XG: variants seen among roughly 807,000 people sequenced by gnomAD.
XG encodes the protein Xg glycoprotein (Xg blood group).
XG carries 24 observed loss-of-function variants against 25.7 expected under a neutral mutation model. The ratio of observed to expected loss-of-function variants is 0.93; its 90% CI spans 0.68 to 1.31. The LOEUF is 1.31. Ranked by LOEUF, XG falls within the 40% of genes most tolerant of loss-of-function variation. The pLI, the probability that XG is intolerant of heterozygous loss-of-function variation, is 0.00. For missense variants in XG, 181 were observed against 187.6 expected (o/e 0.96, Z 0.21); for synonymous variants, 77 against 69.2 (o/e 1.11, Z -0.56).
intron 5 of XG, 139 bp downstream of exon 5, chrX:2,789,845 A>G (rs2086821115): frequency 1.0e-5 from 3 of 297,434 alleles, no homozygotes; most frequent in Non-Finnish European, 1.1e-5. Context: ...ATTTGATTCT[A>G]TGTTATTTTA....
intron 2 of XG, among the ~76,000 whole-genome samples, chrX:2,771,329 C>G (rs1304427510): frequency 6.6e-6 from 1 of 152,178 alleles, no homozygotes; most frequent in Non-Finnish European, 1.5e-5. Context: ...CCAGAGCACA[C>G]TTCATTCCGT....
intron 4 of XG, among the ~76,000 whole-genome samples, chrX:2,784,536 C>G (rs779221371): frequency 1.5e-4 from 16 of 104,457 alleles, no homozygotes; most frequent in Non-Finnish European, 1.8e-4. Context: ...CGCCACTGCA[C>G]TCCAGGCTGG....
At chrX:2,811,006 C>T (rs1480646803) in intron 9 of XG, among the ~76,000 whole-genome samples, 2 of 111,233 alleles carry the variant, frequency 1.8e-5, no homozygotes, top group Non-Finnish European at 3.8e-5. Context: ...ACAAAAATGC[C>T]AAGTGCCTCG....
intron 1 of XG, among the ~76,000 whole-genome samples, chrX:2,764,697 ATTT>A (rs2050635895): frequency 6.6e-6 from 1 of 152,054 alleles, no homozygotes; most frequent in South Asian, 2.1e-4. Context: ...AAGAAAGTTG[ATTT>A]AAATGAACCC....
At chrX:2,800,061 T>G (rs1175075791) in intron 7 of XG, among the ~76,000 whole-genome samples, 1 of 111,532 alleles carries the variant, frequency 9.0e-6, no homozygotes, top group Non-Finnish European at 1.9e-5. Flanking sequence ...GAACCTAGGC[T>G]GATTCCATGT....
rs200648737 is a variant in XG at position 2,770,601 on chromosome X, G to T, written c.103+10G>T. On this transcript the variant is annotated intron_variant, in intron 2 of 10. Transcript: ENST00000644266. ...GCCCTTGATGACCCTGGTAAGTGCC[G>T]ATATTTCAAGGGGAGCCTTCCCTTT... The T allele has an allele frequency of 1.7e-5, 28 of 1,613,850 alleles. No individual in the cohort carries two copies. The East Asian group carries it at 5.8e-4, about 33-fold the overall frequency.
At position 2,752,219 on chromosome X, in the gene XG, C is replaced by G. The variant is rs1489958111; in HGVS notation, c.-56C>G. 5.0e-6 allele frequency: 8 copies of G among 1,612,360 alleles called. No homozygotes were observed. The highest frequency in any genetic ancestry group is 2.7e-5 in the African/African-American group (2 of 74,904). ...CAACAGGAGGGTGGAGAGGCCGGGTCTCACAATCCGCTTGGCTGGGGAGTC... is the reference window on the plus strand; with the variant it reads ...CAACAGGAGGGTGGAGAGGCCGGGTGTCACAATCCGCTTGGCTGGGGAGTC... On this transcript the variant is annotated 5_prime_UTR_variant, in exon 1 of 11. Transcript: ENST00000644266.
At chrX:2,758,964 C>CTATG (rs1363707523) in intron 1 of XG, among the ~76,000 whole-genome samples, 1 of 151,968 alleles carries the variant, frequency 6.6e-6, no homozygotes, top group Non-Finnish European at 1.5e-5. Context: ...ATTTATCTAT[C>CTATG]TTTCTACCTA....
chrX:2,755,488 A>G (rs2050414598), intron 1 of XG, among the ~76,000 whole-genome samples: 1 of 152,122 alleles, frequency 6.6e-6, no homozygotes. Flanking sequence ...CACCTGTTTT[A>G]TCAGCTAGGT....
intron 3 of XG, among the ~76,000 whole-genome samples, chrX:2,781,332 G>A (rs2051115830): frequency 6.6e-6 from 1 of 151,580 alleles, no homozygotes; most frequent in Non-Finnish European, 1.5e-5. Context: ...GGGCTTTGAA[G>A]GAACTCTGCA....
intron 5 of XG, among the ~76,000 whole-genome samples, chrX:2,792,246 C>G (rs1360933053): frequency 1.8e-5 from 2 of 111,942 alleles, no homozygotes; most frequent in African/African-American, 6.5e-5. Context: ...GAGCCGAGAT[C>G]ATGCCATTGC....
intron 3 of XG, 141 bp downstream of exon 3, chrX:2,774,880 G>C: frequency 9.1e-7 from 1 of 1,104,720 alleles, no homozygotes; most frequent in Non-Finnish European, 1.4e-6. Flanking sequence ...GATATTGAAA[G>C]CAAAATGTGG....
chrX:2,801,760 G>C (rs1053558950), intron 7 of XG, among the ~76,000 whole-genome samples: 2 of 110,567 alleles, frequency 1.8e-5, no homozygotes, highest in Non-Finnish European at 3.8e-5. Flanking sequence ...CCAGGCTGGA[G>C]TGCAGTGGCG....
chrX:2,787,378 G>A (rs1019730234), intron 4 of XG, among the ~76,000 whole-genome samples: 2 of 111,377 alleles, frequency 1.8e-5, no homozygotes, highest in Admixed American at 9.6e-5. Context: ...TGCAGTTGGA[G>A]GTTCTGTGTG....
chrX:2,773,341 TA>T (rs751170745), intron 2 of XG, among the ~76,000 whole-genome samples: 11 of 111,372 alleles, frequency 9.9e-5, no homozygotes, highest in Admixed American at 4.4e-4. Flanking sequence ...GAAAGAAAAA[TA>T]GGAGAAGAAA....
chrX:2,794,433 C>T (rs769515927), intron 5 of XG, 102 bp from the exon 6 acceptor site: 8 of 916,518 alleles, frequency 8.7e-6, no homozygotes, highest in African/African-American at 8.0e-5. Flanking sequence ...GGCGTCGGAA[C>T]GCTCTTCTCC....
At chrX:2,803,683 G>C (rs2086965760) in intron 7 of XG, among the ~76,000 whole-genome samples, 1 of 110,433 alleles carries the variant, frequency 9.1e-6, no homozygotes, top group African/African-American at 3.3e-5. Context: ...GGGCTGGCTG[G>C]TGTCAGCTGA....
intron 9 of XG, 171 bp downstream of exon 9, chrX:2,808,391 A>T: frequency 7.5e-6 from 6 of 799,245 alleles, no homozygotes; most frequent in Non-Finnish European, 7.0e-6. Flanking sequence ...GACCTTCAGC[A>T]CAGGACCAAT....
intron 6 of XG, among the ~76,000 whole-genome samples, chrX:2,796,992 C>A (rs765885168): frequency 8.9e-6 from 1 of 112,080 alleles, no homozygotes; most frequent in Admixed American, 9.5e-5. Context: ...CGTGGCTGAT[C>A]TCATATCAGT....
Sources: allele counts gnomAD v4.1 joint callset (sites outside exome capture counted in the v4.1 genomes callset), GRCh38; gene constraint gnomAD v4.1.1; transcripts MANE v1.5; gene names NCBI Gene and HGNC (gene_info 2026-07-23, HGNC 2026-07-21).